The following CDH26 variants were observed in gnomAD, a reference collection of about 807,000 sequenced individuals.
CDH26 encodes the protein cadherin 26, also known as cadherin-like protein 26.
In CDH26, 83 loss-of-function variants were observed where a neutral mutation model predicts 90.3. The ratio of observed to expected loss-of-function variants is 0.92; its 90% CI spans 0.77 to 1.10. The LOEUF (loss-of-function observed/expected upper bound fraction) is 1.10. CDH26 is among the 50% of genes least tolerant of loss of function. CDH26 has a pLI of 0.00. For synonymous variants in CDH26, 397 were observed against 396.3 expected (o/e 1.00, Z -0.02); for missense variants, 1,013 against 1,037.6 (o/e 0.98, Z 0.33).
chr20:59,978,673 C>G (rs933552883), intron 4 of CDH26, among the ~76,000 whole-genome samples: 3 of 152,058 alleles, frequency 2.0e-5, no homozygotes, highest in Admixed American at 6.6e-5. Flanking sequence ...CACGCCCGAT[C>G]TTATATTTAC....
At chr20:59,960,760 T>G (rs1204365362) in intron 1 of CDH26, among the ~76,000 whole-genome samples, 2 of 152,216 alleles carry the variant, frequency 1.3e-5, no homozygotes, top group Non-Finnish European at 2.9e-5. Flanking sequence ...CATATTCCCA[T>G]GGATATGTCC....
intron 15 of CDH26, among the ~76,000 whole-genome samples, chr20:60,002,012 G>C (rs999022462): frequency 1.3e-5 from 2 of 152,154 alleles, no homozygotes; most frequent in African/African-American, 4.8e-5. Context: ...TGTGAGTACA[G>C]TTCTCAGTCA....
At chr20:60,033,405 T>C (rs778128381) in intron 8 of CDH26, 14 of 1,252,776 alleles carry the variant, frequency 1.1e-5, no homozygotes, top group Non-Finnish European at 1.5e-5. Flanking sequence ...ACTTATCAAA[T>C]GCTTAGTGAA....
At chr20:60,024,621 T>C (rs771624679) in intron 7 of CDH26, among the ~76,000 whole-genome samples, 3 of 152,146 alleles carry the variant, frequency 2.0e-5, no homozygotes, top group South Asian at 2.1e-4. Context: ...AGTGATTGGA[T>C]GGAATTTTGC....
At chr20:59,997,052 G>A (rs1461460996) in intron 13 of CDH26, among the ~76,000 whole-genome samples, 2 of 152,238 alleles carry the variant, frequency 1.3e-5, no homozygotes, top group Admixed American at 1.3e-4. Context: ...CATCTAGTGC[G>A]TTGAGGTCAG....
chr20:59,966,156 G>A (rs961039866), intron 1 of CDH26, among the ~76,000 whole-genome samples: 1 of 147,994 alleles, frequency 6.8e-6, no homozygotes, highest in East Asian at 2.0e-4. Context: ...CATCATCAAG[G>A]AACCGTATAT....
intron 12 of CDH26, 185 bp downstream of exon 12, chr20:59,996,239 A>C: frequency 9.9e-7 from 1 of 1,011,866 alleles, no homozygotes; most frequent in Non-Finnish European, 1.4e-6. Context: ...GCCAGGCAAG[A>C]TCCCTGGCCA....
At chr20:59,988,868 G>T (rs1216919317) in intron 8 of CDH26, 36 bp from the exon 9 acceptor site, 1 of 1,605,466 alleles carries the variant, frequency 6.2e-7, no homozygotes, top group Non-Finnish European at 8.5e-7. Context: ...CAGAGGAGCA[G>T]CAGGTGCTAA....
chr20:60,012,865 T>C lies in CDH26; in HGVS notation c.*135T>C. 1 of 724,230 alleles carries C rather than the reference T, an allele frequency of 1.4e-6. No individual in the cohort carries two copies. Among genetic ancestry groups the C allele is most frequent in the Non-Finnish European group, 2.2e-6 (1 of 451,356 alleles). 44.9% of individuals were successfully genotyped at this position (724,230 alleles called of 1,614,324 possible). ...TAGTCCTAGGATGAGGACACACTAT[T>C]AGTTTGAATTAAATGCTTTGATATT... On this transcript the variant is annotated 3_prime_UTR_variant, in exon 18 of 18. Coordinates refer to ENST00000348616, the MANE Select transcript of CDH26 (RefSeq NM_177980.4).
chr20:60,027,270 G>A (rs2062005319), intron 7 of CDH26, among the ~76,000 whole-genome samples: 1 of 152,036 alleles, frequency 6.6e-6, no homozygotes, highest in Admixed American at 6.5e-5. Flanking sequence ...ATGGTCATAG[G>A]GTCACATTTG....
rs764579899 is a variant in CDH26, at chr20:59,987,601, A to T, written c.986A>T (p.Asp329Val). 3.1e-5 allele frequency: 50 copies of T among 1,613,454 alleles called. No homozygotes were observed. The highest frequency in any genetic ancestry group is 4.1e-5 in the Non-Finnish European group (48 of 1,179,816). The change falls in exon 8 of 18, where the codon GAC becomes GTC. Residue 329 changes from aspartate to valine, a missense_variant. Transcript: ENST00000348616. ...NEEGHFDIST[D>V]PETNEGILNV... The stretch of plus-strand genomic sequence containing the variant: ...GAGGGGCATTTTGACATTTCGACTG[A>T]CCCTGAGACCAACGAAGGGATATTA...
At chr20:60,018,898 A>G (rs2061929897), downstream of CDH26, among the ~76,000 whole-genome samples, 1 of 151,840 alleles carries the variant, frequency 6.6e-6, no homozygotes, top group South Asian at 2.1e-4. Flanking sequence ...TTGTAAGATC[A>G]GAATAGTTGT....
In CDH26 at chr20:59,992,280, A is replaced by T; in HGVS notation, c.1284-98A>T. 9.2e-7 allele frequency: 1 copy of T among 1,091,620 alleles called. No individual in the cohort carries two copies. Among genetic ancestry groups the T allele is most frequent in the Non-Finnish European group, 1.3e-6 (1 of 758,478 alleles). The allele number at this position is 1,091,620 out of a possible 1,614,324, so 67.6% of individuals were successfully genotyped here. Reference sequence around the variant, plus strand: ...TTCTCAAATTACTTGTGGTAGAAATAGTGTTTCTATGACATATTTTGTTTT... The same window carrying T: ...TTCTCAAATTACTTGTGGTAGAAATTGTGTTTCTATGACATATTTTGTTTT... On this transcript the variant is annotated intron_variant, in intron 9 of 17. Transcript: ENST00000348616. The surrounding 1 kb of genome is among the most constrained non-coding windows in gnomAD (Gnocchi z 5.0).
At chr20:60,010,894 C>G (rs553542940) in intron 17 of CDH26, among the ~76,000 whole-genome samples, 1 of 152,324 alleles carries the variant, frequency 6.6e-6, no homozygotes, top group African/African-American at 2.4e-5. Flanking sequence ...TGCCACCACT[C>G]AGAACTGGAA....
chr20:59,973,236 G>C, intron 4 of CDH26, among the ~76,000 whole-genome samples: 1 of 152,224 alleles, frequency 6.6e-6, no homozygotes, highest in East Asian at 1.9e-4. Flanking sequence ...CAAGCTCCAG[G>C]TGATGCCCAT....
intron 8 of CDH26, among the ~76,000 whole-genome samples, chr20:59,988,104 C>T (rs943603841): frequency 2.6e-5 from 4 of 152,082 alleles, no homozygotes; most frequent in African/African-American, 9.7e-5. Context: ...TGGCACTGTG[C>T]CTAATGGAGA....
chr20:59,962,437 G>C (rs398740), intron 1 of CDH26, among the ~76,000 whole-genome samples: 2,667 of 152,298 alleles, frequency 0.018, 79 homozygotes, highest in African/African-American at 0.061. Flanking sequence ...AATCCCAGCT[G>C]TTTCTTGGCT....
At chr20:60,007,182 G>A (rs998700098) in intron 17 of CDH26, among the ~76,000 whole-genome samples, 1 of 152,110 alleles carries the variant, frequency 6.6e-6, no homozygotes, top group Non-Finnish European at 1.5e-5. Flanking sequence ...TCTCCCAAAG[G>A]CTCCGTCTTC....
At chr20:60,011,734 C>T (rs1319874192) in intron 17 of CDH26, among the ~76,000 whole-genome samples, 1 of 152,126 alleles carries the variant, frequency 6.6e-6, no homozygotes, top group African/African-American at 2.4e-5. Flanking sequence ...AGGGGGTGCG[C>T]ACTGCACTTG....
Sources: allele counts gnomAD v4.1 joint callset (sites outside exome capture counted in the v4.1 genomes callset), GRCh38; gene constraint gnomAD v4.1.1; non-coding constraint Gnocchi (gnomAD v3.1); transcripts MANE v1.5; gene names NCBI Gene and HGNC (gene_info 2026-07-23, HGNC 2026-07-21).